The following KIF6 variants were observed in gnomAD, a reference collection of about 807,000 sequenced individuals.
KIF6 encodes kinesin-like protein KIF6.
KIF6 carries 106 observed loss-of-function variants against 112.7 expected under a neutral mutation model. The ratio of observed to expected loss-of-function variants is 0.94; its 90% CI spans 0.80 to 1.11. The LOEUF is 1.11. Ranked by LOEUF, KIF6 falls within the 50% of genes least tolerant of loss-of-function variation. KIF6 has a pLI of 0.00. For synonymous variants in KIF6, 339 were observed against 339.9 expected, an observed-to-expected ratio of 1.00 and a Z score of 0.03; for missense variants, 929 against 964.0, an observed-to-expected ratio of 0.96 and a Z score of 0.48.
At chr6:39,341,097 C>T (rs1302322113) in intron 22 of KIF6, among the ~76,000 whole-genome samples, 2 of 152,140 alleles carry the variant, frequency 1.3e-5, no homozygotes, top group African/African-American at 4.8e-5. Flanking sequence ...CCTCTGGGCT[C>T]CTGCTTCCCT....
chr6:39,503,714 T>C (rs1776267777), intron 13 of KIF6, among the ~76,000 whole-genome samples: 1 of 151,866 alleles, frequency 6.6e-6, no homozygotes, highest in Admixed American at 6.6e-5. Context: ...GGACATAAAC[T>C]GGAAAATCCA....
chr6:39,360,377 A>G lies in KIF6; in HGVS notation c.2082+18T>C. 1 of 1,613,716 alleles carries G rather than the reference A, an allele frequency of 6.2e-7. No homozygotes were observed. The highest frequency in any genetic ancestry group is 8.5e-7 in the Non-Finnish European group (1 of 1,179,854). On this transcript the variant is annotated intron_variant, in intron 18 of 22. Transcript: ENST00000287152. The stretch of plus-strand genomic sequence containing the variant: ...GACTGGCCCCTCCCCAGCTTCCCTG[A>G]TGTTCCCCAGGCCATACCTGCAGGT...
Position 39,607,798 on chromosome 6 carries a change from A to G in KIF6, c.639+5391T>C, listed in dbSNP as rs570950978. Among the ~76,000 whole-genome samples, 440 of 152,316 alleles carry G rather than the reference A, an allele frequency of 2.9e-3. 2 individuals carry two copies. The highest frequency in any genetic ancestry group is 9.6e-3 in the African/African-American group (400 of 41,572). ...GCCTGTTGTATATTTTGCTCTAACC[A>G]GGTTCACAAATTTTATAACAAACTT... On this transcript the variant is annotated intron_variant, in intron 6 of 22. Coordinates refer to ENST00000287152, the MANE Select transcript of KIF6 (RefSeq NM_145027.6).
At chr6:39,397,037 G>A (rs1768325668) in intron 15 of KIF6, among the ~76,000 whole-genome samples, 1 of 152,184 alleles carries the variant, frequency 6.6e-6, no homozygotes, top group Non-Finnish European at 1.5e-5. Context: ...CGGTGGGGAG[G>A]AAGGGGGGAC....
rs1378000408 is a variant in KIF6 at position 39,362,586 on chromosome 6, A to T, written c.1862-68T>A. The stretch of plus-strand genomic sequence containing the variant: ...AAAAGGAAGAGTGTGATATTTGGGC[A>T]GATGACAGAGTTCAAGGGCACCCCA... On this transcript the variant is annotated intron_variant, in intron 16 of 22. Transcript: ENST00000287152. The T allele has an allele frequency of 5.0e-6, 6 of 1,204,482 alleles. No individual in the cohort carries two copies. In the East Asian group the frequency reaches 1.4e-4, roughly 28 times the overall value. The allele number at this position is 1,204,482 out of a possible 1,614,324, so 74.6% of individuals were successfully genotyped here.
intron 13 of KIF6, among the ~76,000 whole-genome samples, chr6:39,485,804 G>T (rs1775077061): frequency 6.6e-6 from 1 of 152,206 alleles, no homozygotes; most frequent in Non-Finnish European, 1.5e-5. Flanking sequence ...AAGGGTAAAA[G>T]AAAGAGCTTG....
chr6:39,555,465 C>G (rs931804409), intron 10 of KIF6, among the ~76,000 whole-genome samples: 6 of 152,040 alleles, frequency 3.9e-5, no homozygotes, highest in Non-Finnish European at 7.4e-5. Flanking sequence ...GGCCCTCAGC[C>G]CCGTGTACTT....
chr6:39,636,053 T>C (rs894456714), intron 4 of KIF6, among the ~76,000 whole-genome samples: 9 of 151,890 alleles, frequency 5.9e-5, no homozygotes, highest in Non-Finnish European at 1.2e-4. Flanking sequence ...GTCACAGAGA[T>C]AGGAGAGAGA....
At chr6:39,464,451 C>T (rs1773670012) in intron 13 of KIF6, among the ~76,000 whole-genome samples, 1 of 152,206 alleles carries the variant, frequency 6.6e-6, no homozygotes, top group South Asian at 2.1e-4. Flanking sequence ...TAAGCATAAA[C>T]CTGTGCACTA....
At chr6:39,433,189 C>A (rs1771285005) in intron 13 of KIF6, among the ~76,000 whole-genome samples, 1 of 152,360 alleles carries the variant, frequency 6.6e-6, no homozygotes, top group East Asian at 1.9e-4. Flanking sequence ...TTGGGACTAA[C>A]TATATTCCCA....
intron 2 of KIF6, among the ~76,000 whole-genome samples, chr6:39,719,347 A>AAGAG (rs34594101): frequency 0.011 from 1,643 of 149,978 alleles, 34 homozygotes; most frequent in African/African-American, 0.037. Flanking sequence ...TAAAAAGAAA[A>AAGAG]AGAGAGAGAG....
chr6:39,518,809 C>T (rs1399452983), intron 13 of KIF6, among the ~76,000 whole-genome samples: 1 of 152,142 alleles, frequency 6.6e-6, no homozygotes, highest in Non-Finnish European at 1.5e-5. Flanking sequence ...TCACTCCAGT[C>T]ATTCAAATGG....
chr6:39,414,819 T>G (rs1315998138), intron 15 of KIF6, among the ~76,000 whole-genome samples: 1 of 151,836 alleles, frequency 6.6e-6, no homozygotes, highest in Non-Finnish European at 1.5e-5. Context: ...TCATATATAG[T>G]GTTAAAAAGT....
At chr6:39,544,989 A>G (rs1288390173) in intron 11 of KIF6, among the ~76,000 whole-genome samples, 1 of 151,994 alleles carries the variant, frequency 6.6e-6, no homozygotes, top group Non-Finnish European at 1.5e-5. Flanking sequence ...CCCTTTCTCT[A>G]TACATCATTC....
At chr6:39,679,942 A>C (rs1039423336) in intron 3 of KIF6, among the ~76,000 whole-genome samples, 18 of 151,122 alleles carry the variant, frequency 1.2e-4, no homozygotes, top group African/African-American at 2.4e-5. Context: ...CTTACATGGA[A>C]GCTGTTATAA....
chr6:39,596,135 C>T lies in KIF6; in HGVS notation c.765G>A (p.Glu255=). Residue 255 remains glutamate, a synonymous_variant, in exon 7 of 23, where the codon GAG becomes GAA. Coordinates refer to ENST00000287152, the MANE Select transcript of KIF6 (RefSeq NM_145027.6). ...KLHLVDLAGS[E]RVAKTGVGGH... is the part of the protein sequence containing the mutation. ...CCCCTACTCCAGTCTTTGCAACTCG[C>T]TCTGAACCAGCCAGGTCAACCAGAT... 1 of 1,614,012 alleles carries T rather than the reference C, an allele frequency of 6.2e-7. No individual in the cohort carries two copies. The highest frequency in any genetic ancestry group is 8.5e-7 in the Non-Finnish European group (1 of 1,179,976).
intron 3 of KIF6, among the ~76,000 whole-genome samples, chr6:39,700,705 T>C (rs1284697425): frequency 8.1e-6 from 1 of 123,754 alleles, no homozygotes; most frequent in Non-Finnish European, 1.7e-5. Context: ...GAAAATGGTA[T>C]CCATAATTTT....
intron 6 of KIF6, among the ~76,000 whole-genome samples, chr6:39,610,056 C>T (rs183069440): frequency 1.3e-5 from 2 of 152,274 alleles, no homozygotes; most frequent in Admixed American, 1.3e-4. Context: ...TATGCATGGC[C>T]TGATCATTGA....
At chr6:39,420,685 G>A (rs1057404784) in intron 14 of KIF6, among the ~76,000 whole-genome samples, 4 of 152,102 alleles carry the variant, frequency 2.6e-5, no homozygotes, top group Admixed American at 6.5e-5. Context: ...AAATTCTCAA[G>A]TACTCCTCTA....
Sources: allele counts gnomAD v4.1 joint callset (sites outside exome capture counted in the v4.1 genomes callset), GRCh38; gene constraint gnomAD v4.1.1; transcripts MANE v1.5; gene names NCBI Gene and HGNC (gene_info 2026-07-23, HGNC 2026-07-21).